The following BCL11A variants were observed in gnomAD, a reference collection of about 807,000 sequenced individuals.
The protein encoded by BCL11A is BCL11 transcription factor A, also known as B cell CLL/lymphoma 11A.
Under a neutral mutation model 55.9 loss-of-function variants are expected in BCL11A, and 2 were observed. The observed-to-expected ratio is 0.04, with a 90% CI of 0.01 to 0.11. The LOEUF is 0.11. Ranked by LOEUF, BCL11A falls within the 10% of genes least tolerant of loss-of-function variation. BCL11A has a pLI of 1.00. For synonymous variants in BCL11A, 465 were observed against 473.4 expected, an observed-to-expected ratio of 0.98 and a Z score of 0.23; for missense variants, 817 against 1,137.1, an observed-to-expected ratio of 0.72 and a Z score of 4.05.
intron 2 of BCL11A, among the ~76,000 whole-genome samples, chr2:60,540,178 T>C (rs889878014): frequency 1.3e-5 from 2 of 152,120 alleles, no homozygotes; most frequent in Admixed American, 1.3e-4. Flanking sequence ...GACATAGCCA[T>C]GACCCAAATG....
intron 2 of BCL11A, among the ~76,000 whole-genome samples, chr2:60,531,671 T>C (rs2104637971): frequency 6.6e-6 from 1 of 152,252 alleles, no homozygotes; most frequent in Non-Finnish European, 1.5e-5. Flanking sequence ...AGAGCGTGTT[T>C]TGGCAGTGCC....
rs112105713 is a variant in BCL11A at position 60,491,143 on chromosome 2, G to A, written c.386-22310C>T. 3.2e-3 allele frequency among the ~76,000 whole-genome samples: 486 copies of A among 152,294 alleles called. 4 individuals are homozygous for A. The highest frequency in any genetic ancestry group is 0.011 in the African/African-American group (458 of 41,560). On this transcript the variant is annotated intron_variant, in intron 2 of 3. Transcript: ENST00000642384. Reference sequence around the variant, plus strand: ...TCTTCTATATGTGAAGCCCAACTACGTGGTTGTGCAACTCTATAGCTGACT... The same window carrying A: ...TCTTCTATATGTGAAGCCCAACTACATGGTTGTGCAACTCTATAGCTGACT...
At chr2:60,489,858 G>A (rs191010204) in intron 2 of BCL11A, among the ~76,000 whole-genome samples, 27 of 152,158 alleles carry the variant, frequency 1.8e-4, no homozygotes, top group Non-Finnish European at 3.4e-4. Context: ...GAGATCACAG[G>A]GATATGAATT....
rs1198641520 is a variant in BCL11A at position 60,553,348 on chromosome 2, C to G, written c.-78G>C. 6.9e-7 allele frequency: 1 copy of G among 1,458,228 alleles called. No homozygotes were observed. The highest frequency in any genetic ancestry group is 9.2e-7 in the Non-Finnish European group (1 of 1,084,226). 90.3% of individuals were successfully genotyped at this position (1,458,228 alleles called of 1,614,324 possible). On this transcript the variant is annotated 5_prime_UTR_variant, in exon 1 of 4. Transcript: ENST00000642384. ...ACGGCTCGGTTCACATCGGGAGAGCCGGGTTAGAAAGAAGGAGACTCCAGA... is the reference window on the plus strand; with the variant it reads ...ACGGCTCGGTTCACATCGGGAGAGCGGGGTTAGAAAGAAGGAGACTCCAGA...
rs1676095660 is a variant in BCL11A at position 60,459,164 on chromosome 2, C to G, written c.*1240G>C. On this transcript the variant is annotated 3_prime_UTR_variant, in exon 4 of 4. Coordinates refer to ENST00000642384, the MANE Select transcript of BCL11A (RefSeq NM_022893.4). The stretch of plus-strand genomic sequence containing the variant: ...TTTCTTCTGTTCCCCTCTGTCAAAC[C>G]TTATTGTCAGCCTCTTCCTTTCAAT... 1 of 1,024,090 alleles carries G rather than the reference C, an allele frequency of 9.8e-7. No homozygotes were observed. The highest frequency in any genetic ancestry group is 5.8e-5 in the Admixed American group (1 of 17,274). The allele number at this position is 1,024,090 out of a possible 1,614,324, so 63.4% of individuals were successfully genotyped here.
intron 2 of BCL11A, among the ~76,000 whole-genome samples, chr2:60,480,853 C>T (rs1444005835): frequency 1.3e-5 from 2 of 152,208 alleles, no homozygotes; most frequent in Admixed American, 1.3e-4. Flanking sequence ...TTCTCATCCC[C>T]TACCTGCACC....
intron 2 of BCL11A, among the ~76,000 whole-genome samples, chr2:60,519,310 A>T (rs1012795231): frequency 2.0e-5 from 3 of 152,224 alleles, no homozygotes; most frequent in African/African-American, 7.2e-5. Flanking sequence ...GACATAAAAC[A>T]CAGAACATTA....
At chr2:60,550,271 G>C (rs1670346811) in intron 1 of BCL11A, among the ~76,000 whole-genome samples, 1 of 152,226 alleles carries the variant, frequency 6.6e-6, no homozygotes, top group Admixed American at 6.5e-5. Context: ...CTCGCGCACG[G>C]GGGTGTCGGC....
chr2:60,454,169 A>C (rs1675841084), downstream of BCL11A, among the ~76,000 whole-genome samples: 1 of 152,174 alleles, frequency 6.6e-6, no homozygotes, highest in Non-Finnish European at 1.5e-5. Flanking sequence ...AGAAGTGCAG[A>C]CCGGACAACC....
intron 2 of BCL11A, among the ~76,000 whole-genome samples, chr2:60,481,698 C>T (rs1049400356): frequency 4.6e-5 from 7 of 152,174 alleles, no homozygotes; most frequent in African/African-American, 1.4e-4. Context: ...CCACATGCTC[C>T]AGCACATACA....
chr2:60,543,385 T>G (rs556528316), intron 2 of BCL11A: 36 of 152,360 alleles, frequency 2.4e-4, no homozygotes, highest in African/African-American at 8.2e-4. Context: ...CCTTTCTTTT[T>G]GTGACACAAT....
intron 2 of BCL11A, among the ~76,000 whole-genome samples, chr2:60,472,311 C>T (rs1677250810): frequency 1.3e-5 from 2 of 152,226 alleles, no homozygotes; most frequent in Admixed American, 1.3e-4. Context: ...TGCACGGACA[C>T]AGCAGGAACT....
downstream of BCL11A, chr2:60,452,659 TGAA>T (rs1323387613): frequency 6.2e-7 from 1 of 1,613,064 alleles, no homozygotes; most frequent in African/African-American, 1.3e-5. Flanking sequence ...TGGGGGTGTG[TGAA>T]GAACCTAGAA....
chr2:60,492,747 C>T (rs1678715249), intron 2 of BCL11A, among the ~76,000 whole-genome samples: 1 of 152,154 alleles, frequency 6.6e-6, no homozygotes, highest in South Asian at 2.1e-4. Flanking sequence ...CTTGAGGAGA[C>T]CCAAACAGTT....
chr2:60,513,377 T>C (rs746830472), intron 2 of BCL11A, among the ~76,000 whole-genome samples: 2 of 152,108 alleles, frequency 1.3e-5, no homozygotes, highest in Non-Finnish European at 2.9e-5. Flanking sequence ...ATCTGCCGGG[T>C]GCTTCTGGAG....
chr2:60,493,406 G>C (rs533680681), intron 2 of BCL11A, among the ~76,000 whole-genome samples: 1 of 152,006 alleles, frequency 6.6e-6, no homozygotes, highest in African/African-American at 2.4e-5. Context: ...CATCCTCCAG[G>C]CTGCCCCCCT....
chr2:60,541,968 C>A, intron 2 of BCL11A: 1 of 684,452 alleles, frequency 1.5e-6, no homozygotes, highest in South Asian at 1.6e-5. Flanking sequence ...AAGGTAAGTT[C>A]ATTTTCTAAA....
intron 1 of BCL11A, 58 bp downstream of exon 1, chr2:60,553,158 A>G (rs1371714787): frequency 2.0e-6 from 3 of 1,537,126 alleles, no homozygotes; most frequent in Non-Finnish European, 2.6e-6. Context: ...TTTTGCTTCT[A>G]GTCCTGCGCG....
intron 2 of BCL11A, chr2:60,544,343 T>C (rs1385759043): frequency 6.6e-6 from 1 of 152,236 alleles, no homozygotes; most frequent in African/African-American, 2.4e-5. Context: ...CTGTTCATTT[T>C]CCTTCCAGTC....
Sources: gnomAD v4.1 joint callset for allele counts (sites outside exome capture counted in the v4.1 genomes callset) on GRCh38, gnomAD v4.1.1 for gene constraint, MANE v1.5 for transcripts, NCBI Gene and HGNC (gene_info 2026-07-23, HGNC 2026-07-21) for gene names.